Variants in BLTP1 observed in about 807,000 individuals in gnomAD.
BLTP1 encodes fragile site-associated protein.
the BLTP1 span, chr4:122,170,071 T>A: frequency 5.0e-5 from 41 of 825,954 alleles, no homozygotes; most frequent in Non-Finnish European, 5.8e-5. Context: ...CTTTGGGAGG[T>A]CGAGGCAGGC....
the BLTP1 span, chr4:122,264,529 A>G: frequency 2.0e-6 from 2 of 994,280 alleles, no homozygotes; most frequent in Non-Finnish European, 2.7e-6. Flanking sequence ...TAGTGAGGCT[A>G]TACCTTACCT....
the BLTP1 span, among the ~76,000 whole-genome samples, chr4:122,284,217 C>T: frequency 2.0e-5 from 3 of 152,092 alleles, no homozygotes; most frequent in East Asian, 5.8e-4. Flanking sequence ...GTTGTAGATT[C>T]TTAGGAGTTT....
the BLTP1 span, chr4:122,175,265 T>G: frequency 2.0e-6 from 2 of 984,822 alleles, no homozygotes; most frequent in South Asian, 9.4e-5. Flanking sequence ...AGGAGACAAC[T>G]TCTATACTAG....
At chr4:122,231,814 T>C in the BLTP1 span, 16 of 973,994 alleles carry the variant, frequency 1.6e-5, no homozygotes, top group African/African-American at 3.5e-5. Flanking sequence ...CCTGTTAACT[T>C]TCCCAAAAGA....
chr4:122,357,732 T>A, the BLTP1 span, among the ~76,000 whole-genome samples: 1 of 152,200 alleles, frequency 6.6e-6, no homozygotes, highest in Non-Finnish European at 1.5e-5. Flanking sequence ...TGCACCGTTA[T>A]GAATATACAA....
the BLTP1 span, among the ~76,000 whole-genome samples, chr4:122,352,338 A>G: frequency 6.8e-6 from 1 of 147,810 alleles, no homozygotes; most frequent in African/African-American, 2.5e-5. Flanking sequence ...TTACAGACAT[A>G]TTAGGTTTTG....
chr4:122,361,302 G>A, the BLTP1 span, among the ~76,000 whole-genome samples: 1 of 152,094 alleles, frequency 6.6e-6, no homozygotes, highest in South Asian at 2.1e-4. Context: ...CTACCTGCAG[G>A]GCATCGATGC....
chr4:122,361,943 T>C, the BLTP1 span: 1 of 1,468,260 alleles, frequency 6.8e-7, no homozygotes, highest in Non-Finnish European at 9.1e-7. Flanking sequence ...GAGTATATTA[T>C]AGAGGCTTAG....
the BLTP1 span, among the ~76,000 whole-genome samples, chr4:122,171,120 T>G: frequency 2.6e-5 from 4 of 152,180 alleles, no homozygotes; most frequent in Non-Finnish European, 5.9e-5. Flanking sequence ...ATTCTATTTT[T>G]ATAGTAAAAT....
chr4:122,272,713 C>T, the BLTP1 span, among the ~76,000 whole-genome samples: 1 of 151,892 alleles, frequency 6.6e-6, no homozygotes, highest in Non-Finnish European at 1.5e-5. Context: ...GAACATTTTA[C>T]CAAAATAATG....
chr4:122,189,971 A>G, the BLTP1 span: 2 of 1,599,048 alleles, frequency 1.3e-6, no homozygotes, highest in Non-Finnish European at 1.7e-6. Context: ...AGATTTGTTT[A>G]GTTTGCTTTC....
At chr4:122,170,564 T>C in the BLTP1 span, 4 of 1,438,184 alleles carry the variant, frequency 2.8e-6, no homozygotes, top group Non-Finnish European at 3.6e-6. Context: ...ATGATTTCTG[T>C]TGCAATTTTA....
the BLTP1 span, chr4:122,183,505 C>A: frequency 1.3e-4 from 131 of 985,102 alleles, no homozygotes; most frequent in Non-Finnish European, 1.6e-4. Context: ...ATCCTTTCCA[C>A]AAGCTGCAAT....
At chr4:122,227,376 A>G in the BLTP1 span, 7 of 985,158 alleles carry the variant, frequency 7.1e-6, no homozygotes, top group South Asian at 4.7e-5. Context: ...CCCTAAAACC[A>G]TGTGCAGTGG....
the BLTP1 span, among the ~76,000 whole-genome samples, chr4:122,320,814 GAATT>G: frequency 6.6e-6 from 1 of 152,054 alleles, no homozygotes; most frequent in African/African-American, 2.4e-5. Context: ...TGATAGCTTT[GAATT>G]AATATCTACT....
the BLTP1 span, chr4:122,210,178 A>G: frequency 2.2e-5 from 5 of 225,264 alleles, no homozygotes; most frequent in African/African-American, 1.2e-4. Flanking sequence ...GAAAGATATT[A>G]TCATTATTTT....
the BLTP1 span, among the ~76,000 whole-genome samples, chr4:122,338,201 C>T: frequency 6.6e-6 from 1 of 151,894 alleles, no homozygotes; most frequent in Non-Finnish European, 1.5e-5. Context: ...GTAATCACAG[C>T]ACTTTGGGAG....
the BLTP1 span, chr4:122,256,825 T>G: frequency 2.2e-6 from 1 of 463,506 alleles, no homozygotes; most frequent in East Asian, 1.5e-4. Flanking sequence ...TTTTAAATGT[T>G]AACACAATGG....
the BLTP1 span, among the ~76,000 whole-genome samples, chr4:122,291,193 G>A: frequency 1.3e-5 from 2 of 152,246 alleles, no homozygotes; most frequent in African/African-American, 4.8e-5. Context: ...ACAAAGGAGT[G>A]GCTAGATCTG....
Sources: gnomAD v4.1 joint callset for allele counts (sites outside exome capture counted in the v4.1 genomes callset) on GRCh38, gnomAD v4.1.1 for gene constraint, MANE v1.5 for transcripts, NCBI Gene and HGNC (gene_info 2026-07-23, HGNC 2026-07-21) for gene names.